The following RIMS1 variants were observed in gnomAD, a reference collection of about 807,000 sequenced individuals.
RIMS1 encodes the protein regulating synaptic membrane exocytosis protein 1.
RIMS1 carries 83 observed loss-of-function variants against 214.1 expected under a neutral mutation model. The ratio of observed to expected loss-of-function variants is 0.39; its 90% CI spans 0.32 to 0.47. RIMS1 has a LOEUF of 0.47. Ranked by LOEUF, RIMS1 falls within the 20% of genes least tolerant of loss-of-function variation. RIMS1 has a pLI of 0.99. For missense variants in RIMS1, 2,050 were observed against 2,161.8 expected (o/e 0.95, Z 1.03); for synonymous variants, 793 against 786.8 (o/e 1.01, Z -0.13).
At position 72,356,415 on chromosome 6, in the gene RIMS1, C is replaced by A. The variant is rs1035433520; in HGVS notation, c.4366+22580C>A. 2.0e-5 allele frequency among the ~76,000 whole-genome samples: 3 copies of A among 152,120 alleles called. No individual in the cohort carries two copies. The East Asian group carries it at 5.8e-4, about 29-fold the overall frequency. ...CAGAAAGACAGGGCATAGCCTCAAA[C>A]AGCAGCTAAAAGAGGAATATTCTTT... On this transcript the variant is annotated intron_variant, in intron 29 of 33. Transcript: ENST00000521978.
intron 26 of RIMS1, among the ~76,000 whole-genome samples, chr6:72,295,403 G>A (rs1386603128): frequency 6.6e-6 from 1 of 151,684 alleles, no homozygotes; most frequent in Non-Finnish European, 1.5e-5. Flanking sequence ...AAATGTTACA[G>A]AATAGTTTCC....
intron 4 of RIMS1, among the ~76,000 whole-genome samples, chr6:72,129,762 G>C (rs1173840474): frequency 6.6e-6 from 1 of 151,926 alleles, no homozygotes; most frequent in Non-Finnish European, 1.5e-5. Flanking sequence ...AGCTTTGTTG[G>C]CTTGTAATCT....
At chr6:72,004,435 G>A (rs1242897503) in intron 2 of RIMS1, among the ~76,000 whole-genome samples, 3 of 152,010 alleles carry the variant, frequency 2.0e-5, no homozygotes, top group Non-Finnish European at 2.9e-5. Context: ...GATCCCTGAG[G>A]AATCGCCACA....
At position 72,153,278 on chromosome 6, in the gene RIMS1, A is replaced by T. The variant is rs991553154; in HGVS notation, c.472-26297A>T. 4.6e-5 allele frequency among the ~76,000 whole-genome samples: 7 copies of T among 151,278 alleles called. No individual in the cohort carries two copies. In the East Asian group the frequency reaches 1.4e-3, roughly 29 times the overall value. ...CAAAATAAGAGAGTTGGACTGGTTG[A>T]TTTTTTTTCATCTTCAAATTCTAGA... On this transcript the variant is annotated intron_variant, in intron 4 of 33. Coordinates refer to ENST00000521978, the MANE Select transcript of RIMS1 (RefSeq NM_014989.7).
At chr6:72,332,072 A>C (rs2096678707) in intron 28 of RIMS1, among the ~76,000 whole-genome samples, 1 of 151,790 alleles carries the variant, frequency 6.6e-6, no homozygotes, top group South Asian at 2.1e-4. Flanking sequence ...TATATATGAC[A>C]ACAAACTTGT....
chr6:72,199,358 C>T (rs980801301), intron 6 of RIMS1, among the ~76,000 whole-genome samples: 1 of 152,104 alleles, frequency 6.6e-6, no homozygotes, highest in Non-Finnish European at 1.5e-5. Context: ...GAGTGCCTGA[C>T]AGTGCATCTA....
intron 2 of RIMS1, among the ~76,000 whole-genome samples, chr6:71,983,404 A>G (rs896069421): frequency 6.6e-6 from 1 of 152,066 alleles, no homozygotes; most frequent in Non-Finnish European, 1.5e-5. Context: ...TAAGTTATAC[A>G]GGGAAAGGCC....
chr6:71,997,283 C>T (rs1803746310), intron 2 of RIMS1, among the ~76,000 whole-genome samples: 2 of 151,994 alleles, frequency 1.3e-5, no homozygotes, highest in Admixed American at 1.3e-4. Context: ...ATAATAAGAA[C>T]TAGAAATAAA....
intron 2 of RIMS1, among the ~76,000 whole-genome samples, chr6:72,000,591 C>A (rs1055014258): frequency 6.6e-6 from 1 of 152,114 alleles, no homozygotes; most frequent in Non-Finnish European, 1.5e-5. Flanking sequence ...TACTGCTGTT[C>A]TATCTTCCTT....
chr6:72,156,976 A>T (rs908490750), intron 4 of RIMS1, among the ~76,000 whole-genome samples: 2 of 140,906 alleles, frequency 1.4e-5, no homozygotes, highest in Non-Finnish European at 3.2e-5. Context: ...GCAGATAATA[A>T]TCATCTGCCT....
At chr6:71,906,432 T>C (rs1414227590) in intron 1 of RIMS1, among the ~76,000 whole-genome samples, 1 of 152,176 alleles carries the variant, frequency 6.6e-6, no homozygotes, top group East Asian at 1.9e-4. Context: ...GTGACAGTTA[T>C]GGATGCTATC....
At chr6:72,033,515 G>C (rs992952787) in intron 2 of RIMS1, among the ~76,000 whole-genome samples, 4 of 151,966 alleles carry the variant, frequency 2.6e-5, no homozygotes, top group African/African-American at 9.7e-5. Flanking sequence ...TTTTGCTCTT[G>C]TTGCCCAGGC....
chr6:72,059,688 C>G (rs534088716), intron 2 of RIMS1, among the ~76,000 whole-genome samples: 1 of 152,282 alleles, frequency 6.6e-6, no homozygotes, highest in Non-Finnish European at 1.5e-5. Flanking sequence ...ATGCTAAAAT[C>G]ATTCTAATGT....
At chr6:72,195,150 A>G (rs758645939) in intron 6 of RIMS1, among the ~76,000 whole-genome samples, 1 of 152,326 alleles carries the variant, frequency 6.6e-6, no homozygotes, top group Non-Finnish European at 1.5e-5. Flanking sequence ...CTTAATATAT[A>G]AATCCTAAGG....
chr6:72,356,596 T>TA (rs1202450679), intron 29 of RIMS1, among the ~76,000 whole-genome samples: 3 of 151,842 alleles, frequency 2.0e-5, no homozygotes, highest in Non-Finnish European at 4.4e-5. Context: ...CCATCTCTAC[T>TA]AAAAATACAA....
chr6:72,031,791 C>T (rs1818185733), intron 2 of RIMS1, among the ~76,000 whole-genome samples: 1 of 151,964 alleles, frequency 6.6e-6, no homozygotes, highest in Non-Finnish European at 1.5e-5. Context: ...ATTTATTACT[C>T]AAATATCTAT....
chr6:72,165,574 A>G (rs2046140231), intron 4 of RIMS1, among the ~76,000 whole-genome samples: 1 of 151,872 alleles, frequency 6.6e-6, no homozygotes, highest in Admixed American at 6.6e-5. Flanking sequence ...GATGCCTTAT[A>G]TTTTTCTTGA....
chr6:71,912,032 T>C (rs892358756), intron 1 of RIMS1, among the ~76,000 whole-genome samples: 1 of 152,164 alleles, frequency 6.6e-6, no homozygotes, highest in Non-Finnish European at 1.5e-5. Context: ...AAATTTTTAC[T>C]GCTTTTCTGT....
intron 2 of RIMS1, among the ~76,000 whole-genome samples, chr6:71,992,571 T>C (rs1032354070): frequency 1.3e-5 from 2 of 149,246 alleles, no homozygotes; most frequent in Non-Finnish European, 3.0e-5. Context: ...TTCTTCTTCT[T>C]CTTCTTCCTC....
Sources: allele counts gnomAD v4.1 joint callset (sites outside exome capture counted in the v4.1 genomes callset), GRCh38; gene constraint gnomAD v4.1.1; transcripts MANE v1.5; gene names NCBI Gene and HGNC (gene_info 2026-07-23, HGNC 2026-07-21).